The following CELF2 variants were observed in gnomAD, a reference collection of about 807,000 sequenced individuals.
The protein encoded by CELF2 is CUGBP Elav-like family member 2.
Under a neutral mutation model 62.6 loss-of-function variants are expected in CELF2, and 8 were observed. The ratio of observed to expected loss-of-function variants is 0.13; its 90% CI spans 0.07 to 0.23. The LOEUF is 0.23. CELF2 is among the 10% of genes least tolerant of loss of function. The probability of loss-of-function intolerance (pLI) is 1.00; values close to 1 mark genes in which losing one functional copy is unlikely to be tolerated. For synonymous variants in CELF2, 258 were observed against 250.0 expected, an observed-to-expected ratio of 1.03 and a Z score of -0.30; for missense variants, 333 against 671.0, an observed-to-expected ratio of 0.50 and a Z score of 5.56.
At chr10:11,169,124 G>A (rs2068072452) in intron 2 of CELF2, 1 of 152,194 alleles carries the variant, frequency 6.6e-6, no homozygotes, top group Non-Finnish European at 1.5e-5. Flanking sequence ...GTTGCTGTGT[G>A]ATGAGGTGAT....
At chr10:11,143,959 G>T (rs1228989080) in intron 1 of CELF2, among the ~76,000 whole-genome samples, 2 of 152,150 alleles carry the variant, frequency 1.3e-5, no homozygotes, top group East Asian at 3.8e-4. Context: ...TATATTCCCA[G>T]CACTGCTGTG....
chr10:11,109,104 T>A (rs1286665977), intron 1 of CELF2, among the ~76,000 whole-genome samples: 1 of 152,198 alleles, frequency 6.6e-6, no homozygotes, highest in East Asian at 1.9e-4. Flanking sequence ...TTAGCTGCAT[T>A]AGGTATATCT....
chr10:10,822,563 G>T (rs1462616039), intron 1 of CELF2, among the ~76,000 whole-genome samples: 3 of 152,190 alleles, frequency 2.0e-5, no homozygotes, highest in Admixed American at 1.3e-4. Flanking sequence ...TATGTGTTCA[G>T]CCAGAAGTTC....
At chr10:11,108,357 T>TTG (rs1554841409) in intron 1 of CELF2, among the ~76,000 whole-genome samples, 2 of 150,620 alleles carry the variant, frequency 1.3e-5, no homozygotes, top group African/African-American at 4.9e-5. Flanking sequence ...TGTTTTTTTG[T>TTG]TTGTTTTTTC....
rs190305432 is a variant in CELF2 at position 10,821,012 on chromosome 10, T to C, written c.53+22195T>C. Among the ~76,000 whole-genome samples, 40 of 152,192 alleles carry C rather than the reference T, an allele frequency of 2.6e-4. No homozygotes were observed. The East Asian group carries it at 7.2e-3, about 27-fold the overall frequency. On this transcript the variant is annotated intron_variant, in intron 1 of 13. Transcript: ENST00000636488. ...CAAGAGCAATGAGGCTAGAGAAAAG[T>C]GGATAGATTCAAATGATTTCAAGGA...
the CELF2 span, among the ~76,000 whole-genome samples, chr10:10,561,195 TG>T: frequency 6.6e-6 from 1 of 152,024 alleles, no homozygotes; most frequent in Non-Finnish European, 1.5e-5. Flanking sequence ...CCTCTTCTAT[TG>T]GAAAAAAAAA....
chr10:10,930,634 A>G (rs2065962509), intron 2 of CELF2, among the ~76,000 whole-genome samples: 1 of 152,204 alleles, frequency 6.6e-6, no homozygotes, highest in South Asian at 2.1e-4. Flanking sequence ...TTCAGAGTTT[A>G]TAGAGCAAAG....
chr10:10,648,398 G>A, the CELF2 span, among the ~76,000 whole-genome samples: 1 of 152,168 alleles, frequency 6.6e-6, no homozygotes, highest in Non-Finnish European at 1.5e-5. Flanking sequence ...ATACATCCCA[G>A]TCCATATGCC....
At chr10:11,229,835 C>T (rs559969630) in intron 3 of CELF2, among the ~76,000 whole-genome samples, 45 of 152,296 alleles carry the variant, frequency 3.0e-4, no homozygotes, top group Non-Finnish European at 5.4e-4. Context: ...AGTGATCCAC[C>T]CACCTCAGCC....
intron 1 of CELF2, among the ~76,000 whole-genome samples, chr10:11,037,596 C>T (rs537504274): frequency 6.6e-6 from 1 of 152,164 alleles, no homozygotes; most frequent in African/African-American, 2.4e-5. Context: ...TCAAGCTGGC[C>T]ACAGCCCCAT....
At chr10:11,206,023 A>G (rs1261256005) in intron 2 of CELF2, among the ~76,000 whole-genome samples, 2 of 152,254 alleles carry the variant, frequency 1.3e-5, no homozygotes, top group African/African-American at 4.8e-5. Context: ...TTCCATTTCC[A>G]GAAAAAATAA....
intron 4 of CELF2, 98 bp downstream of exon 4, chr10:11,249,299 C>T: frequency 1.1e-6 from 1 of 949,710 alleles, no homozygotes; most frequent in Non-Finnish European, 1.7e-6. Flanking sequence ...CTGCTTTTCT[C>T]TCTAGAGGAC....
At chr10:10,964,755 C>G (rs1316990515) in intron 2 of CELF2, among the ~76,000 whole-genome samples, 3 of 152,174 alleles carry the variant, frequency 2.0e-5, no homozygotes, top group African/African-American at 7.2e-5. Flanking sequence ...CCTGAAACCT[C>G]TCATGCAGAA....
the CELF2 span, among the ~76,000 whole-genome samples, chr10:10,614,221 A>AT: frequency 6.6e-6 from 1 of 151,790 alleles, no homozygotes; most frequent in Non-Finnish European, 1.5e-5. Flanking sequence ...TTCCTCCCCC[A>AT]TTTTCCCTTT....
the CELF2 span, among the ~76,000 whole-genome samples, chr10:10,759,692 G>A: frequency 5.9e-5 from 9 of 151,992 alleles, no homozygotes; most frequent in African/African-American, 1.7e-4. Context: ...ACACATAGGA[G>A]AATCACCATT....
chr10:10,513,010 C>A, the CELF2 span, among the ~76,000 whole-genome samples: 3 of 152,140 alleles, frequency 2.0e-5, no homozygotes. Context: ...ACCATGAAAA[C>A]GGTGCCATGG....
chr10:10,862,273 C>T (rs1209105618), intron 1 of CELF2, among the ~76,000 whole-genome samples: 1 of 152,240 alleles, frequency 6.6e-6, no homozygotes, highest in African/African-American at 2.4e-5. Context: ...TCAATAAGAA[C>T]GTGGCTGGGC....
At chr10:10,910,261 T>A (rs1308940256) in intron 1 of CELF2, among the ~76,000 whole-genome samples, 1 of 152,190 alleles carries the variant, frequency 6.6e-6, no homozygotes, top group Non-Finnish European at 1.5e-5. Flanking sequence ...GCAGTGCAGC[T>A]TAGAGCACAA....
chr10:10,727,423 A>C, the CELF2 span, among the ~76,000 whole-genome samples: 1 of 152,174 alleles, frequency 6.6e-6, no homozygotes, highest in Non-Finnish European at 1.5e-5. Flanking sequence ...CTAAACTCCA[A>C]GCTGGCTTTA....
Sources: allele counts gnomAD v4.1 joint callset (sites outside exome capture counted in the v4.1 genomes callset), GRCh38; gene constraint gnomAD v4.1.1; transcripts MANE v1.5; gene names NCBI Gene and HGNC (gene_info 2026-07-23, HGNC 2026-07-21).